GPC6: variants seen among roughly 807,000 people sequenced by gnomAD.
The protein encoded by GPC6 is glypican-6.
A neutral mutation model predicts 55.2 loss-of-function variants in GPC6; 14 were observed. That is an observed-to-expected ratio of 0.25 (90% CI 0.17 to 0.40). GPC6 has a LOEUF of 0.40. GPC6 is among the 10% of genes least tolerant of loss of function. The probability of loss-of-function intolerance (pLI) is 1.00; values close to 1 mark genes in which losing one functional copy is unlikely to be tolerated. For missense variants in GPC6, 641 were observed against 708.5 expected, an observed-to-expected ratio of 0.90 and a Z score of 1.08; for synonymous variants, 278 against 259.6, an observed-to-expected ratio of 1.07 and a Z score of -0.68.
chr13:93,838,624 G>A lies in GPC6; in HGVS notation c.711+8079G>A, dbSNP rs564819138. Reference sequence around the variant, plus strand: ...ATTGGTTATTTTTTCACTTAAGAAAGATGGGCAGGGAGCTGATAAACTGGC... The same window carrying A: ...ATTGGTTATTTTTTCACTTAAGAAAAATGGGCAGGGAGCTGATAAACTGGC... On this transcript the variant is annotated intron_variant, in intron 3 of 8. Transcript: ENST00000377047. Among the ~76,000 whole-genome samples the A allele has an allele frequency of 5.3e-5, 8 of 152,250 alleles. No individual in the cohort carries two copies. In the South Asian group the frequency reaches 1.2e-3, roughly 24 times the overall value.
intron 4 of GPC6, among the ~76,000 whole-genome samples, chr13:94,055,870 G>C (rs891659881): frequency 6.6e-6 from 1 of 152,156 alleles, no homozygotes; most frequent in Non-Finnish European, 1.5e-5. Context: ...GGTGTCCCTG[G>C]ATGTTTTGAA....
intron 6 of GPC6, among the ~76,000 whole-genome samples, chr13:94,342,570 G>T (rs1049749795): frequency 1.3e-5 from 2 of 152,134 alleles, no homozygotes; most frequent in African/African-American, 4.8e-5. Flanking sequence ...TTCAGACTCC[G>T]GGCATCCAGA....
At chr13:93,600,909 C>T (rs1353807884) in intron 2 of GPC6, among the ~76,000 whole-genome samples, 2 of 135,640 alleles carry the variant, frequency 1.5e-5, no homozygotes, top group East Asian at 2.3e-4. Context: ...GAGATCACAC[C>T]ATGGCACTCC....
At chr13:93,346,973 A>G (rs1453563296) in intron 1 of GPC6, among the ~76,000 whole-genome samples, 1 of 152,226 alleles carries the variant, frequency 6.6e-6, no homozygotes, top group Admixed American at 6.5e-5. Flanking sequence ...TTGGTCATAC[A>G]TAAATGATAA....
intron 4 of GPC6, among the ~76,000 whole-genome samples, chr13:94,199,086 T>G (rs554950669): frequency 6.6e-6 from 1 of 152,220 alleles, no homozygotes; most frequent in Non-Finnish European, 1.5e-5. Flanking sequence ...GCCACATGCT[T>G]GTTGAAAAGC....
rs568590339 is a variant in GPC6, at chr13:94,017,777, C to T, written c.712-9952C>T. On this transcript the variant is annotated intron_variant, in intron 3 of 8. Transcript: ENST00000377047. Reference sequence around the variant, plus strand: ...CACTGCAACCTCTGCCTCCCAAGTTCAAGCAATTATCTGTCTCAGCCTTCC... The same window carrying T: ...CACTGCAACCTCTGCCTCCCAAGTTTAAGCAATTATCTGTCTCAGCCTTCC... Among the ~76,000 whole-genome samples the T allele has an allele frequency of 4.6e-5, 7 of 152,156 alleles. No individual in the cohort carries two copies. In the East Asian group the frequency reaches 1.2e-3, roughly 25 times the overall value.
At position 93,371,133 on chromosome 13, in the gene GPC6, A is replaced by G. The variant is rs1377508941; in HGVS notation, c.160+143517A>G. Among the ~76,000 whole-genome samples, 5 of 152,162 alleles carry G rather than the reference A, an allele frequency of 3.3e-5. 1 individual carries two copies. In the South Asian group the frequency reaches 8.3e-4, roughly 25 times the overall value. ...TTTGAAAACTAGGTTGAAATGTAACATAGTTCTTGACATATGCATTTTTCC... is the reference window on the plus strand; with the variant it reads ...TTTGAAAACTAGGTTGAAATGTAACGTAGTTCTTGACATATGCATTTTTCC... On this transcript the variant is annotated intron_variant, in intron 1 of 8. Transcript: ENST00000377047.
At chr13:94,092,515 T>A (rs1422826339) in intron 4 of GPC6, among the ~76,000 whole-genome samples, 2 of 152,208 alleles carry the variant, frequency 1.3e-5, no homozygotes, top group Non-Finnish European at 2.9e-5. Flanking sequence ...TACCACATTT[T>A]CTTTATCCGT....
intron 2 of GPC6, among the ~76,000 whole-genome samples, chr13:93,556,408 G>GTATA (rs36113667): frequency 0.16 from 20,516 of 130,600 alleles, 1,933 homozygotes; most frequent in Admixed American, 0.25. Context: ...GTATGTATAT[G>GTATA]TATATATATA....
At chr13:93,512,956 A>G (rs964355770) in intron 1 of GPC6, among the ~76,000 whole-genome samples, 6 of 152,224 alleles carry the variant, frequency 3.9e-5, no homozygotes, top group South Asian at 4.1e-4. Flanking sequence ...AAAGGCTACT[A>G]CAGTGCAAGG....
chr13:93,682,197 C>T (rs997719257), intron 2 of GPC6, among the ~76,000 whole-genome samples: 2 of 152,046 alleles, frequency 1.3e-5, no homozygotes, highest in East Asian at 3.9e-4. Flanking sequence ...GATGAAAATG[C>T]GTTTGCAGCC....
At chr13:93,393,626 C>G (rs1051412289) in intron 1 of GPC6, among the ~76,000 whole-genome samples, 1 of 132,292 alleles carries the variant, frequency 7.6e-6, no homozygotes, top group African/African-American at 2.5e-5. Flanking sequence ...AGGACTTAGA[C>G]CTGTTCTCTC....
Position 94,208,445 on chromosome 13 carries a change from T to C in GPC6, c.878-77904T>C, listed in dbSNP as rs1049410797. On this transcript the variant is annotated intron_variant, in intron 4 of 8. Coordinates refer to ENST00000377047, the MANE Select transcript of GPC6 (RefSeq NM_005708.5). ...AACAGCTGGCTGCCAAGATTAGTTA[T>C]GGAAAACTTTTGGAAGGAGATGATA... 2.0e-5 allele frequency among the ~76,000 whole-genome samples: 3 copies of C among 152,112 alleles called. No homozygotes were observed. The South Asian group carries it at 6.2e-4, about 32-fold the overall frequency.
At chr13:93,464,107 T>C (rs1336728482) in intron 1 of GPC6, among the ~76,000 whole-genome samples, 2 of 152,164 alleles carry the variant, frequency 1.3e-5, no homozygotes, top group Non-Finnish European at 2.9e-5. Context: ...AATTTAGAAA[T>C]ACTTTATTGC....
chr13:94,043,201 T>C (rs1028617231), intron 4 of GPC6, among the ~76,000 whole-genome samples: 18 of 151,774 alleles, frequency 1.2e-4, no homozygotes, highest in Non-Finnish European at 2.4e-4. Flanking sequence ...AGTTCCTTTA[T>C]TGGAGAATGG....
intron 4 of GPC6, among the ~76,000 whole-genome samples, chr13:94,136,421 T>C (rs1887187197): frequency 6.6e-6 from 1 of 152,086 alleles, no homozygotes; most frequent in East Asian, 1.9e-4. Context: ...TTAAGAAGTT[T>C]GTTCTTTTGC....
chr13:93,872,489 T>C (rs2140302630), intron 3 of GPC6, among the ~76,000 whole-genome samples: 1 of 152,092 alleles, frequency 6.6e-6, no homozygotes, highest in Non-Finnish European at 1.5e-5. Context: ...AAAATGGGCC[T>C]TACTGGGCTA....
intron 4 of GPC6, among the ~76,000 whole-genome samples, chr13:94,196,549 CTG>C (rs1223749762): frequency 6.6e-6 from 1 of 152,146 alleles, no homozygotes; most frequent in Non-Finnish European, 1.5e-5. Flanking sequence ...ACCTTCAAGG[CTG>C]TGTCTTGCAT....
At chr13:93,423,131 T>G (rs1216918920) in intron 1 of GPC6, among the ~76,000 whole-genome samples, 1 of 152,150 alleles carries the variant, frequency 6.6e-6, no homozygotes, top group Non-Finnish European at 1.5e-5. Flanking sequence ...AAACAACCTG[T>G]AGTAATATCT....
Sources: gnomAD v4.1 joint callset for allele counts (sites outside exome capture counted in the v4.1 genomes callset) on GRCh38, gnomAD v4.1.1 for gene constraint, MANE v1.5 for transcripts, NCBI Gene and HGNC (gene_info 2026-07-23, HGNC 2026-07-21) for gene names.